LAMB1: variants seen among roughly 807,000 people sequenced by gnomAD.
The protein encoded by LAMB1 is laminin subunit beta 1.
A neutral mutation model predicts 222.3 loss-of-function variants in LAMB1; 121 were observed. That is an observed-to-expected ratio of 0.54 (90% CI 0.47 to 0.63). The LOEUF (loss-of-function observed/expected upper bound fraction) is 0.63. LAMB1 is among the 30% of genes least tolerant of loss of function. The pLI is 0.00. For synonymous variants in LAMB1, 794 were observed against 807.2 expected (o/e 0.98, Z 0.28); for missense variants, 2,172 against 2,240.8 (o/e 0.97, Z 0.62).
chr7:108,000,981 G>C (rs1189636440), intron 3 of LAMB1, among the ~76,000 whole-genome samples: 1 of 152,158 alleles, frequency 6.6e-6, no homozygotes, highest in Non-Finnish European at 1.5e-5. Flanking sequence ...TTTAGAAACA[G>C]GTAACACCCT....
At chr7:107,959,915 C>G in intron 18 of LAMB1, 81 bp from the exon 19 acceptor site, 1 of 1,500,306 alleles carries the variant, frequency 6.7e-7, no homozygotes, top group Non-Finnish European at 9.0e-7. Flanking sequence ...CCTTTAACTA[C>G]TTTGGATTAT....
chr7:107,998,175 T>C (rs1208514209), intron 4 of LAMB1, among the ~76,000 whole-genome samples, 182 bp downstream of exon 4: 2 of 152,194 alleles, frequency 1.3e-5, no homozygotes, highest in Admixed American at 1.3e-4. Context: ...AGGAAATACA[T>C]GCTTCAGGAA....
chr7:107,990,157 G>C (rs766220221), intron 5 of LAMB1, among the ~76,000 whole-genome samples: 7 of 152,080 alleles, frequency 4.6e-5, no homozygotes, highest in Non-Finnish European at 1.0e-4. Context: ...TCCAACCTCA[G>C]CCTCCTGAGT....
chr7:107,986,958 G>A (rs530030126), intron 5 of LAMB1, among the ~76,000 whole-genome samples: 75 of 152,266 alleles, frequency 4.9e-4, no homozygotes, highest in East Asian at 2.7e-3. Context: ...GTATACACCC[G>A]GAAGAATTGA....
chr7:107,924,099 TATA>T lies in LAMB1; in HGVS notation c.5225-15_5225-13del, dbSNP rs1176100584. 4.8e-6 allele frequency: 7 copies of T among 1,464,380 alleles called. No homozygotes were observed. Among genetic ancestry groups the T allele is most frequent in the Non-Finnish European group, 6.4e-6 (7 of 1,094,648 alleles). 90.7% of individuals were successfully genotyped at this position (1,464,380 alleles called of 1,614,324 possible). ...TTTTCTTTCTAAATCTGTGGGGAGA[TATA>T]TATATATAAAGTCTGAGCAATTTAT... On this transcript the variant is annotated splice_polypyrimidine_tract_variant and intron_variant, in intron 33 of 33. Transcript: ENST00000222399.
At chr7:107,952,317 T>C in intron 22 of LAMB1, 94 bp from the exon 23 acceptor site, 1 of 883,996 alleles carries the variant, frequency 1.1e-6, no homozygotes, top group Non-Finnish European at 1.7e-6. Flanking sequence ...TGTTCCCACT[T>C]CACATCTTGA....
At chr7:107,971,667 C>A (rs1363534096) in intron 13 of LAMB1, among the ~76,000 whole-genome samples, 2 of 152,156 alleles carry the variant, frequency 1.3e-5, no homozygotes, top group African/African-American at 4.8e-5. Flanking sequence ...CTTTACTAGA[C>A]AATTTTGCTT....
chr7:107,996,252 G>A (rs577423691), intron 4 of LAMB1, among the ~76,000 whole-genome samples: 6 of 152,242 alleles, frequency 3.9e-5, no homozygotes, highest in African/African-American at 1.2e-4. Context: ...TGCACCAAAA[G>A]CACATTCCAT....
chr7:107,959,982 G>C, intron 18 of LAMB1, 148 bp from the exon 19 acceptor site: 1 of 1,171,700 alleles, frequency 8.5e-7, no homozygotes, highest in African/African-American at 1.5e-5. Flanking sequence ...GGAAGAAAGG[G>C]GAGGCAGAGT....
At position 107,964,669 on chromosome 7, in the gene LAMB1, G is replaced by A; in HGVS notation, c.1581C>T (p.Gly527=). 6.2e-7 allele frequency: 1 copy of A among 1,614,130 alleles called. No homozygotes were observed. The highest frequency in any genetic ancestry group is 8.5e-7 in the Non-Finnish European group (1 of 1,180,006). The change falls in exon 14 of 34, where the codon GGC becomes GGT. Residue 527 remains glycine, a synonymous_variant. Coordinates refer to ENST00000222399, the MANE Select transcript of LAMB1 (RefSeq NM_002291.3). ...TCATGTGAGGCCGGCATGAGCACTGGCCTGACTCCGCAAAGCAACTGGAAG... is the reference window on the plus strand; with the variant it reads ...TCATGTGAGGCCGGCATGAGCACTGACCTGACTCCGCAAAGCAACTGGAAG... The part of the protein sequence containing the change: ...ALNNSCFAES[G]QCSCRPHMIG...
At chr7:107,964,216 G>A (rs2033577226) in intron 14 of LAMB1, among the ~76,000 whole-genome samples, 1 of 152,226 alleles carries the variant, frequency 6.6e-6, no homozygotes. Flanking sequence ...TAAATTTGGG[G>A]ATGAATAGAT....
At chr7:107,967,482 A>G (rs1178170870) in intron 13 of LAMB1, among the ~76,000 whole-genome samples, 2 of 152,156 alleles carry the variant, frequency 1.3e-5, no homozygotes, top group African/African-American at 2.4e-5. Flanking sequence ...GTTTCTTATG[A>G]TATCAAGCCA....
chr7:107,962,225 T>C lies in LAMB1; in HGVS notation c.1858-549A>G, dbSNP rs529226901. 3.9e-5 allele frequency among the ~76,000 whole-genome samples: 6 copies of C among 152,314 alleles called. No homozygotes were observed. In the South Asian group the frequency reaches 1.0e-3, roughly 26 times the overall value. ...GGCTGGCTGGTGCATGCCCATCTTC[T>C]AGGATCATGCATCTCTCTGCTGTTA... On this transcript the variant is annotated intron_variant, in intron 15 of 33. Transcript: ENST00000222399.
chr7:107,997,811 G>A (rs2034308417), intron 4 of LAMB1, among the ~76,000 whole-genome samples: 2 of 152,186 alleles, frequency 1.3e-5, no homozygotes, highest in Admixed American at 6.5e-5. Context: ...AGGAAAAAGG[G>A]TGTAATTCAT....
At chr7:107,992,535 C>T (rs936809676) in intron 5 of LAMB1, among the ~76,000 whole-genome samples, 17 of 152,220 alleles carry the variant, frequency 1.1e-4, no homozygotes, top group Non-Finnish European at 5.9e-5. Flanking sequence ...TGCCAAGCAT[C>T]TGCATTTATA....
At chr7:107,965,766 T>C (rs770985975) in intron 13 of LAMB1, among the ~76,000 whole-genome samples, 3 of 152,130 alleles carry the variant, frequency 2.0e-5, no homozygotes, top group Non-Finnish European at 2.9e-5. Flanking sequence ...CTAAGGCAAG[T>C]TGCAACTCAC....
At chr7:107,993,280 C>T (rs769889878) in intron 5 of LAMB1, among the ~76,000 whole-genome samples, 16 of 152,118 alleles carry the variant, frequency 1.1e-4, no homozygotes, top group Non-Finnish European at 2.2e-4. Flanking sequence ...ACTACAGGCG[C>T]GTGCCACCAC....
intron 9 of LAMB1, among the ~76,000 whole-genome samples, chr7:107,976,703 A>AC (rs1428647038): frequency 2.6e-5 from 4 of 152,170 alleles, no homozygotes; most frequent in African/African-American, 9.7e-5. Context: ...GTTGAAGTGA[A>AC]CCTTGGAGTA....
intron 13 of LAMB1, among the ~76,000 whole-genome samples, chr7:107,966,909 C>T (rs1332589602): frequency 6.6e-6 from 1 of 152,230 alleles, no homozygotes; most frequent in Non-Finnish European, 1.5e-5. Context: ...AAGTCTGTGT[C>T]CACAGGCTTG....
Sources: allele counts gnomAD v4.1 joint callset (sites outside exome capture counted in the v4.1 genomes callset), GRCh38; gene constraint gnomAD v4.1.1; transcripts MANE v1.5; gene names NCBI Gene and HGNC (gene_info 2026-07-23, HGNC 2026-07-21).